The following NRG3 variants were observed in gnomAD, a reference collection of about 807,000 sequenced individuals.
NRG3 encodes neuregulin 3.
A neutral mutation model predicts 66.9 loss-of-function variants in NRG3; 31 were observed. That is an observed-to-expected ratio of 0.46 (90% CI 0.35 to 0.63). NRG3 has a LOEUF of 0.63. NRG3 is among the 20% of genes least tolerant of loss of function. The pLI, the probability that NRG3 is intolerant of heterozygous loss-of-function variation, is 0.00. For missense variants in NRG3, 910 were observed against 878.9 expected, an observed-to-expected ratio of 1.04 and a Z score of -0.45; for synonymous variants, 393 against 359.4, an observed-to-expected ratio of 1.09 and a Z score of -1.06.
chr10:82,178,467 A>G (rs1228959611), intron 1 of NRG3, among the ~76,000 whole-genome samples: 1 of 152,170 alleles, frequency 6.6e-6, no homozygotes, highest in Non-Finnish European at 1.5e-5. Flanking sequence ...TATAAGTGGA[A>G]TCGAGCAGTA....
intron 1 of NRG3, among the ~76,000 whole-genome samples, chr10:82,052,647 G>T (rs1272209313): frequency 6.6e-6 from 1 of 152,164 alleles, no homozygotes; most frequent in African/African-American, 2.4e-5. Context: ...GTGATTAAGA[G>T]GATGGTGAAC....
At chr10:82,955,310 A>C (rs1849937462) in intron 5 of NRG3, 1 of 151,986 alleles carries the variant, frequency 6.6e-6, no homozygotes, top group Non-Finnish European at 1.5e-5. Context: ...CTGAACCCAT[A>C]GCAACTCTAA....
chr10:82,361,118 A>G (rs1049830025), intron 2 of NRG3, among the ~76,000 whole-genome samples: 4 of 152,358 alleles, frequency 2.6e-5, no homozygotes, highest in Admixed American at 2.6e-4. Flanking sequence ...TCTCATGTCC[A>G]TAAAAGAAAA....
chr10:82,406,604 G>A (rs1428659406), intron 2 of NRG3, among the ~76,000 whole-genome samples: 2 of 152,258 alleles, frequency 1.3e-5, no homozygotes, highest in Admixed American at 6.5e-5. Context: ...TGGAACTTGG[G>A]TAATGCAGAT....
At chr10:82,801,169 C>T (rs1034503045) in intron 3 of NRG3, among the ~76,000 whole-genome samples, 3 of 152,132 alleles carry the variant, frequency 2.0e-5, no homozygotes, top group African/African-American at 7.2e-5. Context: ...AGAAAAGTTG[C>T]ACTTCGAAGA....
intron 1 of NRG3, among the ~76,000 whole-genome samples, chr10:82,331,916 A>G (rs1036926414): frequency 6.6e-6 from 1 of 152,228 alleles, no homozygotes; most frequent in Non-Finnish European, 1.5e-5. Context: ...AGGAGTGTGC[A>G]TGAGCGAGAG....
At chr10:82,661,780 G>T (rs749237822) in intron 2 of NRG3, among the ~76,000 whole-genome samples, 2 of 152,214 alleles carry the variant, frequency 1.3e-5, no homozygotes, top group East Asian at 1.9e-4. Context: ...CTGAGGTTGG[G>T]TTGCTATCCA....
chr10:82,053,236 A>G (rs553982175), intron 1 of NRG3, among the ~76,000 whole-genome samples: 2 of 152,068 alleles, frequency 1.3e-5, no homozygotes, highest in East Asian at 1.9e-4. Context: ...CTGATATTTC[A>G]GTAGTCCAAC....
At chr10:82,984,765 A>G in intron 8 of NRG3, 1 of 1,551,706 alleles carries the variant, frequency 6.4e-7, no homozygotes, top group South Asian at 1.2e-5. Context: ...CTCAATCCCC[A>G]TTTACTTTGT....
rs768499808 is a variant in NRG3, at chr10:82,551,604, C to CTGT, written c.954-186971_954-186969dup. 6.7e-3 allele frequency among the ~76,000 whole-genome samples: 797 copies of CTGT among 118,282 alleles called. 4 individuals are homozygous for CTGT. The highest frequency in any genetic ancestry group is 0.032 in the African/African-American group (747 of 23,100). The allele number at this position is 118,282 out of a possible 152,430, so 77.6% of individuals were successfully genotyped here. On this transcript the variant is annotated intron_variant, in intron 2 of 8. Coordinates refer to ENST00000372141, the MANE Select transcript of NRG3 (RefSeq NM_001010848.4). ...AAGTTTTTATTTTTATTTTAAAATACTGTTTTTTTTTTTAAATCAGATACA... is the reference window on the plus strand; with the variant it reads ...AAGTTTTTATTTTTATTTTAAAATACTGTTGTTTTTTTTTTTAAATCAGATACA...
chr10:82,870,165 G>A (rs1489751963), intron 4 of NRG3, among the ~76,000 whole-genome samples: 1 of 151,448 alleles, frequency 6.6e-6, no homozygotes, highest in African/African-American at 2.4e-5. Flanking sequence ...ACCACGCCTG[G>A]CCCCACTAGT....
chr10:82,063,512 C>CT (rs60251056), intron 1 of NRG3, among the ~76,000 whole-genome samples: 28,984 of 147,414 alleles, frequency 0.2, 2,981 homozygotes, highest in Admixed American at 0.29. Flanking sequence ...AGGAAAAGAT[C>CT]TTTTTTTTTT....
At chr10:82,832,675 G>A (rs563727888) in intron 3 of NRG3, among the ~76,000 whole-genome samples, 5 of 152,236 alleles carry the variant, frequency 3.3e-5, no homozygotes, top group Admixed American at 6.5e-5. Flanking sequence ...AAATAACTTT[G>A]CAATCATATG....
At chr10:82,016,844 G>A (rs2061807564) in intron 1 of NRG3, among the ~76,000 whole-genome samples, 1 of 152,126 alleles carries the variant, frequency 6.6e-6, no homozygotes, top group South Asian at 2.1e-4. Flanking sequence ...TAAAACAATA[G>A]TGACATCCTT....
chr10:82,652,924 A>G (rs1001768956), intron 2 of NRG3, among the ~76,000 whole-genome samples: 8 of 152,242 alleles, frequency 5.3e-5, no homozygotes, highest in African/African-American at 1.9e-4. Flanking sequence ...ATAAATAACT[A>G]ATACAGCCCC....
rs975140410 is a variant in NRG3, at chr10:82,979,138, A to C, written c.1583+18A>C. 5.6e-6 allele frequency: 9 copies of C among 1,612,454 alleles called. No homozygotes were observed. Among genetic ancestry groups the C allele is most frequent in the Admixed American group, 1.7e-5 (1 of 59,910 alleles). ...TGCCAAGGGTAGGTCTTAAAACAGC[A>C]GTGGAATTTAGGGAGGGTGTCTTTA... On this transcript the variant is annotated intron_variant, in intron 8 of 8. Transcript: ENST00000372141.
At chr10:82,080,825 C>T (rs2065350804) in intron 1 of NRG3, among the ~76,000 whole-genome samples, 1 of 152,136 alleles carries the variant, frequency 6.6e-6, no homozygotes, top group South Asian at 2.1e-4. Context: ...GTGCAAACAT[C>T]ACCACTATCT....
chr10:82,237,487 A>G (rs1301023898), intron 1 of NRG3, among the ~76,000 whole-genome samples: 1 of 152,050 alleles, frequency 6.6e-6, no homozygotes, highest in South Asian at 2.1e-4. Flanking sequence ...TGACATTCCT[A>G]TTACTTTGTG....
rs994356801 is a variant in NRG3 at position 82,418,428 on chromosome 10, G to A, written c.953+59560G>A. 5.3e-5 allele frequency among the ~76,000 whole-genome samples: 8 copies of A among 152,148 alleles called. No homozygotes were observed. In the South Asian group the frequency reaches 6.2e-4, roughly 12 times the overall value. ...TGCAAATTAACCAGTTTATGCAAAT[G>A]TTTATGCAAATTAACCAGTTTATGC... On this transcript the variant is annotated intron_variant, in intron 2 of 8. Transcript: ENST00000372141.
Sources: gnomAD v4.1 joint callset for allele counts (sites outside exome capture counted in the v4.1 genomes callset) on GRCh38, gnomAD v4.1.1 for gene constraint, MANE v1.5 for transcripts, NCBI Gene and HGNC (gene_info 2026-07-23, HGNC 2026-07-21) for gene names.